Variants in AKAP13 observed in about 807,000 individuals in gnomAD.
AKAP13 encodes the protein A-kinase anchoring protein 13, also known as A-kinase anchor protein 13.
In AKAP13, 80 loss-of-function variants were observed where a neutral mutation model predicts 264.5. The observed-to-expected ratio is 0.30, with a 90% CI of 0.25 to 0.36. The LOEUF (loss-of-function observed/expected upper bound fraction) is 0.36, where lower values mean the gene tolerates loss of function less well. Among genes scored for constraint, AKAP13 ranks in the 10% least tolerant of loss-of-function variants. The pLI is 1.00. For synonymous variants in AKAP13, 1,380 were observed against 1,250.2 expected (o/e 1.10, Z -2.19); for missense variants, 3,712 against 3,435.2 (o/e 1.08, Z -2.01).
chr15:85,652,503 C>T (rs1005571237), intron 10 of AKAP13, among the ~76,000 whole-genome samples: 1 of 152,146 alleles, frequency 6.6e-6, no homozygotes. Flanking sequence ...GCTTGTTATA[C>T]ATTTTGCTTT....
At chr15:85,672,293 C>G (rs1567186704) in intron 14 of AKAP13, among the ~76,000 whole-genome samples, 1 of 152,248 alleles carries the variant, frequency 6.6e-6, no homozygotes, top group Non-Finnish European at 1.5e-5. Flanking sequence ...AAGGACCCAT[C>G]AACCTTAATG....
rs1246515901 is a variant in AKAP13 at position 85,533,729 on chromosome 15, TC to T, written c.328del (p.Gln110SerfsTer4). ...AQFLATSAGN[Q>X]QALNFTRFLD... is the part of the protein sequence containing the mutation. The stretch of plus-strand genomic sequence containing the variant: ...AATTCCTAGCAACCAGTGCTGGAAA[TC>T]AGCAGGCTTTGAACTTTACCCGTTT... On this transcript the variant is annotated frameshift_variant, in exon 4 of 37. Coordinates refer to ENST00000394518, the MANE Select transcript of AKAP13 (RefSeq NM_007200.5). LOFTEE classifies it high-confidence loss of function. The T allele has an allele frequency of 8.7e-6, 14 of 1,614,166 alleles. No homozygotes were observed. Among genetic ancestry groups the T allele is most frequent in the Non-Finnish European group, 1.2e-5 (14 of 1,180,026 alleles).
chr15:85,446,134 A>T (rs2073890580), intron 1 of AKAP13, among the ~76,000 whole-genome samples: 1 of 152,196 alleles, frequency 6.6e-6, no homozygotes, highest in African/African-American at 2.4e-5. Context: ...GTTTGGCTTT[A>T]ATGTGAAGAA....
intron 2 of AKAP13, among the ~76,000 whole-genome samples, chr15:85,516,311 A>C (rs1173825687): frequency 6.6e-6 from 1 of 152,236 alleles, no homozygotes; most frequent in Non-Finnish European, 1.5e-5. Flanking sequence ...CTTGTCCTCC[A>C]TTATGGCATA....
intron 12 of AKAP13, among the ~76,000 whole-genome samples, chr15:85,662,948 T>C (rs1477240007): frequency 6.6e-6 from 1 of 152,216 alleles, no homozygotes; most frequent in Non-Finnish European, 1.5e-5. Flanking sequence ...AGCATAGATC[T>C]GGTTTTCTTA....
At chr15:85,586,602 A>T (rs2079363105) in intron 8 of AKAP13, among the ~76,000 whole-genome samples, 1 of 152,182 alleles carries the variant, frequency 6.6e-6, no homozygotes. Flanking sequence ...TGTCTAAATT[A>T]TGAAGTATAT....
intron 1 of AKAP13, among the ~76,000 whole-genome samples, chr15:85,470,648 C>T (rs2074927147): frequency 1.3e-5 from 2 of 152,096 alleles, no homozygotes; most frequent in African/African-American, 4.8e-5. Context: ...TTTTCTTATC[C>T]CTCCTTGCCT....
intron 4 of AKAP13, chr15:85,534,120 C>T (rs1043255113): frequency 2.5e-5 from 11 of 448,964 alleles, no homozygotes; most frequent in Non-Finnish European, 3.9e-5. Flanking sequence ...TGGCACGTCA[C>T]CTTCCTGTGG....
chr15:85,430,187 C>T (rs150712992), intron 1 of AKAP13, among the ~76,000 whole-genome samples: 1 of 152,288 alleles, frequency 6.6e-6, no homozygotes, highest in East Asian at 1.9e-4. Flanking sequence ...ATTTTGGAGG[C>T]ACACTGAGGT....
At chr15:85,683,372 T>C (rs1288358059) in intron 15 of AKAP13, among the ~76,000 whole-genome samples, 2 of 152,194 alleles carry the variant, frequency 1.3e-5, no homozygotes, top group Admixed American at 6.5e-5. Context: ...CTGTGGGAAA[T>C]GTCTAAAATA....
At position 85,719,337 on chromosome 15, in the gene AKAP13, G is replaced by C; in HGVS notation, c.6252+11G>C. ...GTGCTTGTAAATCAGGTGAGAATGG[G>C]AAGGATCTCAGGTTCTTACATACAC... On this transcript the variant is annotated intron_variant, in intron 23 of 36. Transcript: ENST00000394518. 3.7e-6 allele frequency: 6 copies of C among 1,613,868 alleles called. No individual in the cohort carries two copies. The highest frequency in any genetic ancestry group is 5.1e-6 in the Non-Finnish European group (6 of 1,179,858).
At chr15:85,525,348 G>A (rs1198033003) in intron 3 of AKAP13, among the ~76,000 whole-genome samples, 5 of 152,124 alleles carry the variant, frequency 3.3e-5, no homozygotes, top group Admixed American at 2.0e-4. Flanking sequence ...GTGAGCCACC[G>A]TGCCCAGCCT....
At chr15:85,624,806 C>T (rs960612971) in intron 8 of AKAP13, 3 of 152,270 alleles carry the variant, frequency 2.0e-5, no homozygotes, top group African/African-American at 7.2e-5. Flanking sequence ...AAAATATGTA[C>T]AGCTCTATTT....
At chr15:85,601,230 GAGACTTATTCAGCCATA>G (rs1177945683) in intron 8 of AKAP13, among the ~76,000 whole-genome samples, 3 of 152,152 alleles carry the variant, frequency 2.0e-5, no homozygotes, top group African/African-American at 7.2e-5. Context: ...AAAATGCAAT[GAGACTTATTCAGCCATA>G]TAGTCCCTTA....
At chr15:85,467,075 TACACAC>T (rs3054059) in intron 1 of AKAP13, among the ~76,000 whole-genome samples, 282 of 149,350 alleles carry the variant, frequency 1.9e-3, no homozygotes, top group African/African-American at 4.8e-3. Context: ...TTGTATTAAC[TACACAC>T]ACACACACAC....
At chr15:85,532,137 C>T (rs2077261637) in intron 3 of AKAP13, among the ~76,000 whole-genome samples, 1 of 152,170 alleles carries the variant, frequency 6.6e-6, no homozygotes, top group South Asian at 2.1e-4. Flanking sequence ...TGTCAGATGC[C>T]TGGCGTGTGC....
chr15:85,738,693 C>A (rs938726076), intron 33 of AKAP13, among the ~76,000 whole-genome samples: 7 of 151,370 alleles, frequency 4.6e-5, no homozygotes, highest in Admixed American at 3.9e-4. Flanking sequence ...AAAAAATTAG[C>A]CGGGCGCGGT....
At chr15:85,538,182 G>A (rs1171397419) in intron 4 of AKAP13, among the ~76,000 whole-genome samples, 1 of 152,120 alleles carries the variant, frequency 6.6e-6, no homozygotes, top group Non-Finnish European at 1.5e-5. Context: ...GTAATGTAGG[G>A]TGGGCCCACT....
chr15:85,497,582 T>C (rs970580528), intron 2 of AKAP13, among the ~76,000 whole-genome samples: 6 of 152,306 alleles, frequency 3.9e-5, no homozygotes, highest in Admixed American at 6.5e-5. Context: ...CATTGAAGGA[T>C]ACCTGGAGAT....
Sources: gnomAD v4.1 joint callset for allele counts (sites outside exome capture counted in the v4.1 genomes callset) on GRCh38, gnomAD v4.1.1 for gene constraint, MANE v1.5 for transcripts, NCBI Gene and HGNC (gene_info 2026-07-23, HGNC 2026-07-21) for gene names.